Variants in INTS9 observed in about 807,000 individuals in gnomAD.
INTS9 encodes integrator complex subunit 9, also known as protein related to CPSF subunits of 74 kDa.
A neutral mutation model predicts 79.7 loss-of-function variants in INTS9; 55 were observed. The ratio of observed to expected loss-of-function variants is 0.69; its 90% CI spans 0.56 to 0.86. The LOEUF (loss-of-function observed/expected upper bound fraction) is 0.86. Among genes scored for constraint, INTS9 ranks in the 40% least tolerant of loss-of-function variants. The pLI, the probability that INTS9 is intolerant of heterozygous loss-of-function variation, is 0.00. For synonymous variants in INTS9, 319 were observed against 325.2 expected (o/e 0.98, Z 0.20); for missense variants, 721 against 831.5 (o/e 0.87, Z 1.64).
chr8:28,809,706 T>A (rs1323231436), intron 8 of INTS9, among the ~76,000 whole-genome samples: 1 of 152,096 alleles, frequency 6.6e-6, no homozygotes, highest in Admixed American at 6.6e-5. Context: ...GAAGAACATA[T>A]CAGGAACGAT....
chr8:28,815,503 G>A (rs950977589), intron 6 of INTS9, among the ~76,000 whole-genome samples: 5 of 152,112 alleles, frequency 3.3e-5, no homozygotes, highest in African/African-American at 1.2e-4. Flanking sequence ...GCTTTTTGAG[G>A]CAAACATGAC....
intron 11 of INTS9, among the ~76,000 whole-genome samples, chr8:28,782,877 T>C (rs1488530584): frequency 2.0e-5 from 3 of 152,020 alleles, no homozygotes; most frequent in Non-Finnish European, 2.9e-5. Flanking sequence ...AAAAAACACA[T>C]ACACACACAA....
intron 6 of INTS9, 114 bp downstream of exon 6, chr8:28,835,178 A>G: frequency 1.5e-6 from 1 of 684,084 alleles, no homozygotes; most frequent in Non-Finnish European, 2.4e-6. Context: ...GGAAAAAGAG[A>G]ATCTTTAATA....
At chr8:28,809,471 T>C (rs1164433541) in intron 8 of INTS9, among the ~76,000 whole-genome samples, 1 of 152,188 alleles carries the variant, frequency 6.6e-6, no homozygotes, top group Admixed American at 6.5e-5. Flanking sequence ...TAGAGAAAAA[T>C]CTAATTTTTT....
At position 28,813,406 on chromosome 8, in the gene INTS9, CG is replaced by C. The variant is rs1352029931; in HGVS notation, c.609+85del. On this transcript the variant is annotated intron_variant, in intron 7 of 16. Coordinates refer to ENST00000521022, the MANE Select transcript of INTS9 (RefSeq NM_018250.4). ...CTCAGCAATGGAATGGCTTTAAAAACGTAACTATAGGATTCTTCCAAACAAC... is the reference window on the plus strand; with the variant it reads ...CTCAGCAATGGAATGGCTTTAAAAACTAACTATAGGATTCTTCCAAACAAC... 5.1e-6 allele frequency: 7 copies of C among 1,368,220 alleles called. No homozygotes were observed. In the African/African-American group the frequency reaches 5.8e-5, roughly 11 times the overall value. 84.8% of individuals were successfully genotyped at this position (1,368,220 alleles called of 1,614,324 possible).
intron 5 of INTS9, among the ~76,000 whole-genome samples, chr8:28,836,626 G>A (rs2131183125): frequency 6.6e-6 from 1 of 152,258 alleles, no homozygotes; most frequent in East Asian, 1.9e-4. Flanking sequence ...CAGGCTCACT[G>A]GTGTCCTGGA....
chr8:28,831,514 C>A (rs974159468), intron 6 of INTS9, among the ~76,000 whole-genome samples: 3 of 152,162 alleles, frequency 2.0e-5, no homozygotes, highest in Non-Finnish European at 2.9e-5. Context: ...ACCTTTCAGG[C>A]CCCTCCCTAG....
At chr8:28,833,903 TCAGCCTGGTTTCTGGAC>T (rs1806652176) in intron 6 of INTS9, among the ~76,000 whole-genome samples, 1 of 152,136 alleles carries the variant, frequency 6.6e-6, no homozygotes. Context: ...TTCATCTCTT[TCAGCCTGGTTTCTGGAC>T]CTAGCACTCT....
chr8:28,786,819 G>A (rs1193611065), intron 11 of INTS9, among the ~76,000 whole-genome samples: 2 of 152,102 alleles, frequency 1.3e-5, no homozygotes, highest in South Asian at 4.2e-4. Context: ...CCAGGTTCAC[G>A]CCATTCTCCT....
At chr8:28,888,491 A>G (rs976475742) in intron 1 of INTS9, among the ~76,000 whole-genome samples, 1 of 152,248 alleles carries the variant, frequency 6.6e-6, no homozygotes, top group Non-Finnish European at 1.5e-5. Flanking sequence ...TGGAGGTAGC[A>G]GCGAGCTGAG....
chr8:28,830,507 C>T (rs576331732), intron 6 of INTS9, among the ~76,000 whole-genome samples: 1 of 151,806 alleles, frequency 6.6e-6, no homozygotes, highest in African/African-American at 2.4e-5. Flanking sequence ...ATCTCTAGTC[C>T]CAGCTACTCA....
chr8:28,831,157 T>C (rs753773362), intron 6 of INTS9, among the ~76,000 whole-genome samples: 1 of 152,208 alleles, frequency 6.6e-6, no homozygotes. Context: ...ATGTCTGTTG[T>C]AGGGACATAG....
chr8:28,827,998 G>A (rs1033348512), intron 6 of INTS9, among the ~76,000 whole-genome samples: 11 of 152,136 alleles, frequency 7.2e-5, no homozygotes, highest in South Asian at 2.1e-4. Flanking sequence ...AATCAACTCC[G>A]AGTGAAATGA....
At chr8:28,785,009 C>T (rs559224792) in intron 11 of INTS9, among the ~76,000 whole-genome samples, 2 of 152,332 alleles carry the variant, frequency 1.3e-5, no homozygotes, top group African/African-American at 4.8e-5. Flanking sequence ...CTCTGACATT[C>T]TCAAAGGGTA....
intron 8 of INTS9, among the ~76,000 whole-genome samples, chr8:28,797,188 T>C (rs2130973097): frequency 6.6e-6 from 1 of 152,292 alleles, no homozygotes; most frequent in South Asian, 2.1e-4. Flanking sequence ...ATTGCCGGCC[T>C]GGGGAATCAC....
intron 15 of INTS9, among the ~76,000 whole-genome samples, chr8:28,770,255 G>A (rs1230510342): frequency 3.3e-5 from 5 of 152,238 alleles, no homozygotes; most frequent in African/African-American, 9.6e-5. Context: ...TAAGATCTCT[G>A]CCTTCTATCA....
At chr8:28,875,809 T>C (rs2131354778) in intron 1 of INTS9, among the ~76,000 whole-genome samples, 1 of 152,352 alleles carries the variant, frequency 6.6e-6, no homozygotes, top group Non-Finnish European at 1.5e-5. Context: ...GTAGGATCTA[T>C]GTCTTATTCA....
chr8:28,885,795 CAGTT>C (rs1397718396), intron 1 of INTS9, among the ~76,000 whole-genome samples: 2 of 152,308 alleles, frequency 1.3e-5, no homozygotes, highest in African/African-American at 4.8e-5. Flanking sequence ...TCAGCGTACT[CAGTT>C]AGGCTCAATC....
chr8:28,787,736 G>C (rs1341695701), intron 11 of INTS9, 93 bp downstream of exon 11: 36 of 842,910 alleles, frequency 4.3e-5, no homozygotes, highest in Non-Finnish European at 6.5e-5. Flanking sequence ...GGTTTACACA[G>C]CAATCTATTT....
Sources: allele counts gnomAD v4.1 joint callset (sites outside exome capture counted in the v4.1 genomes callset), GRCh38; gene constraint gnomAD v4.1.1; transcripts MANE v1.5; gene names NCBI Gene and HGNC (gene_info 2026-07-23, HGNC 2026-07-21).